TMEM131: variants seen among roughly 807,000 people sequenced by gnomAD.
TMEM131 encodes transmembrane protein 131.
TMEM131 carries 66 observed loss-of-function variants against 211.6 expected under a neutral mutation model. The observed-to-expected ratio is 0.31, with a 90% CI of 0.26 to 0.38. TMEM131 has a LOEUF of 0.38. Ranked by LOEUF, TMEM131 falls within the 10% of genes least tolerant of loss-of-function variation. The pLI is 1.00. For missense variants in TMEM131, 2,036 were observed against 2,299.3 expected, an observed-to-expected ratio of 0.89 and a Z score of 2.34; for synonymous variants, 844 against 841.3, an observed-to-expected ratio of 1.00 and a Z score of -0.06.
At chr2:97,766,394 T>G in intron 34 of TMEM131, 84 bp downstream of exon 34, 1 of 1,603,892 alleles carries the variant, frequency 6.2e-7, no homozygotes, top group Non-Finnish European at 8.5e-7. Flanking sequence ...ACTGACTGCT[T>G]ACTGATAATG....
intron 4 of TMEM131, among the ~76,000 whole-genome samples, chr2:97,874,983 T>G (rs1458464478): frequency 6.6e-6 from 1 of 152,030 alleles, no homozygotes; most frequent in Non-Finnish European, 1.5e-5. Flanking sequence ...TCATCTCACA[T>G]GCAAGGCACA....
intron 3 of TMEM131, among the ~76,000 whole-genome samples, chr2:97,900,663 C>T (rs1675815843): frequency 6.6e-6 from 1 of 152,098 alleles, no homozygotes; most frequent in South Asian, 2.1e-4. Flanking sequence ...GTGAATAATG[C>T]TTCAATGAAC....
chr2:97,986,468 C>G (rs931604742), intron 1 of TMEM131, among the ~76,000 whole-genome samples: 1 of 152,110 alleles, frequency 6.6e-6, no homozygotes, highest in Admixed American at 6.5e-5. Context: ...CTGTTTTATT[C>G]TTACAATCAA....
rs1353636712 is a variant in TMEM131, at chr2:97,762,362, AAGCAGC to A, written c.4724-168_4724-163del. On this transcript the variant is annotated intron_variant, in intron 35 of 40. Coordinates refer to ENST00000186436, the MANE Select transcript of TMEM131 (RefSeq NM_015348.2). ...TTCTGTTTAACAGGTTTTAAAGAGA[AAGCAGC>A]CACATCTCTCTGCACTCGGGGATTT... is the stretch of plus-strand genomic sequence containing the variant. 6 of 659,736 alleles carry A rather than the reference AAGCAGC, an allele frequency of 9.1e-6. No homozygotes were observed. In the East Asian group the frequency reaches 1.9e-4, roughly 21 times the overall value. 40.9% of individuals were successfully genotyped at this position (659,736 alleles called of 1,614,324 possible).
At chr2:97,791,599 CT>C (rs1559360854) in intron 31 of TMEM131, among the ~76,000 whole-genome samples, 3 of 152,228 alleles carry the variant, frequency 2.0e-5, no homozygotes, top group Admixed American at 1.3e-4. Flanking sequence ...TCAGTTGAAC[CT>C]TAAGATGACA....
At chr2:97,871,474 A>T (rs568708708) in intron 4 of TMEM131, among the ~76,000 whole-genome samples, 1 of 152,296 alleles carries the variant, frequency 6.6e-6, no homozygotes, top group East Asian at 1.9e-4. Flanking sequence ...TGTCTGGGAG[A>T]TCATAAGGTT....
intron 3 of TMEM131, among the ~76,000 whole-genome samples, chr2:97,896,052 T>G (rs975586372): frequency 2.6e-5 from 4 of 152,212 alleles, no homozygotes; most frequent in African/African-American, 9.6e-5. Flanking sequence ...TCCCGGAGAT[T>G]CTGGTACATT....
intron 2 of TMEM131, among the ~76,000 whole-genome samples, chr2:97,914,534 C>G (rs1676428451): frequency 6.6e-6 from 1 of 152,232 alleles, no homozygotes; most frequent in African/African-American, 2.4e-5. Context: ...ACTCATCTTC[C>G]TCCTGCCCTT....
Position 97,813,970 on chromosome 2 carries a change from C to A in TMEM131, c.1617+1G>T. ...ATGTTAAAGATGGATAATATACTTA[C>A]ATCTAAAAAGCCTGTGTATACCCGC... On this transcript the variant is annotated splice_donor_variant, in intron 15 of 40. Coordinates refer to ENST00000186436, the MANE Select transcript of TMEM131 (RefSeq NM_015348.2). LOFTEE classifies it high-confidence loss of function. 6.3e-7 allele frequency: 1 copy of A among 1,579,110 alleles called. No homozygotes were observed. Among genetic ancestry groups the A allele is most frequent in the African/African-American group, 1.4e-5 (1 of 74,008 alleles).
intron 2 of TMEM131, among the ~76,000 whole-genome samples, chr2:97,913,317 G>A (rs1676368656): frequency 6.6e-6 from 1 of 152,174 alleles, no homozygotes; most frequent in African/African-American, 2.4e-5. Flanking sequence ...TAATTTAGAT[G>A]TTCATTTGTA....
intron 12 of TMEM131, 140 bp downstream of exon 12, chr2:97,818,468 GGGGGC>G (rs147071183): frequency 0.28 from 72,853 of 258,170 alleles, 11,150 homozygotes; most frequent in Non-Finnish European, 0.36. Context: ...TACAGCGGGG[GGGGGC>G]GGGGGGGGAT....
chr2:97,987,015 C>T (rs1573657209), intron 1 of TMEM131, among the ~76,000 whole-genome samples: 1 of 152,244 alleles, frequency 6.6e-6, no homozygotes, highest in East Asian at 1.9e-4. Flanking sequence ...CCATGTAGGG[C>T]CCTTGCCATA....
intron 29 of TMEM131, 58 bp from the exon 30 acceptor site, chr2:97,793,611 A>G: frequency 5.3e-6 from 8 of 1,497,322 alleles, no homozygotes; most frequent in Non-Finnish European, 7.2e-6. Context: ...ACAAGCAACA[A>G]AATTCGATGT....
intron 32 of TMEM131, among the ~76,000 whole-genome samples, chr2:97,774,157 T>G (rs1051262418): frequency 1.3e-5 from 2 of 152,240 alleles, no homozygotes; most frequent in African/African-American, 4.8e-5. Flanking sequence ...CACATATCGT[T>G]TGAAACTACT....
chr2:97,877,403 T>A (rs552069866), intron 4 of TMEM131, among the ~76,000 whole-genome samples: 23 of 152,214 alleles, frequency 1.5e-4, no homozygotes, highest in South Asian at 1.2e-3. Context: ...GCCAAGACAA[T>A]CCTGGGCAAG....
intron 4 of TMEM131, 34 bp downstream of exon 4, chr2:97,888,018 A>T: frequency 6.5e-7 from 1 of 1,536,474 alleles, no homozygotes; most frequent in Non-Finnish European, 9.0e-7. Context: ...TAATAGTTTA[A>T]TGGGAAAGTA....
chr2:97,792,494 C>G lies in TMEM131; in HGVS notation c.4036G>C (p.Asp1346His). ...SSARHSSEDS[D>H]ITSLIEAMDK... ...ATGGCTTCTATGAGACTGGTGATGT[C>G]CGAGTCCTCGGAACTGTGCCTCGCG... Residue 1346 changes from aspartate to histidine, a missense_variant, in exon 31 of 41, where the codon GAC becomes CAC. Physicochemically the swap from Asp to His is moderately conservative, Grantham distance 81. Around this residue, in one of 3 missense-constraint regions of TMEM131, gnomAD observed 1,623 missense variants for 1,805.9 expected, o/e 0.90. Transcript: ENST00000186436. The G allele has an allele frequency of 6.2e-7, 1 of 1,613,674 alleles. No homozygotes were observed. The highest frequency in any genetic ancestry group is 8.5e-7 in the Non-Finnish European group (1 of 1,179,778).
At chr2:97,894,807 C>A (rs531032138) in intron 3 of TMEM131, among the ~76,000 whole-genome samples, 1 of 152,302 alleles carries the variant, frequency 6.6e-6, no homozygotes, top group South Asian at 2.1e-4. Context: ...ACCATCATTT[C>A]ATCTGCGAAC....
intron 2 of TMEM131, among the ~76,000 whole-genome samples, chr2:97,917,567 G>A (rs1676558449): frequency 1.3e-5 from 2 of 152,124 alleles, no homozygotes; most frequent in Admixed American, 6.5e-5. Flanking sequence ...AAAGAAAAGA[G>A]GTTTAACTGA....
Sources: allele counts gnomAD v4.1 joint callset (sites outside exome capture counted in the v4.1 genomes callset), GRCh38; gene constraint gnomAD v4.1.1; regional missense constraint gnomAD v4.1.1; transcripts MANE v1.5; gene names NCBI Gene and HGNC (gene_info 2026-07-23, HGNC 2026-07-21).